Variants in HS3ST4 observed in about 807,000 individuals in gnomAD.
HS3ST4 encodes heparan sulfate glucosamine 3-O-sulfotransferase 4.
In HS3ST4, 17 loss-of-function variants were observed where a neutral mutation model predicts 29.2. The observed-to-expected ratio is 0.58, with a 90% CI of 0.40 to 0.87. The LOEUF (loss-of-function observed/expected upper bound fraction) is 0.87. Among genes scored for constraint, HS3ST4 ranks in the 40% least tolerant of loss-of-function variants. The probability of loss-of-function intolerance (pLI) is 0.00; values close to 1 mark genes in which losing one functional copy is unlikely to be tolerated. For synonymous variants in HS3ST4, 314 were observed against 285.7 expected, an observed-to-expected ratio of 1.10 and a Z score of -1.00; for missense variants, 627 against 634.5, an observed-to-expected ratio of 0.99 and a Z score of 0.13.
chr16:25,985,595 A>T (rs765515212), intron 1 of HS3ST4, among the ~76,000 whole-genome samples: 7 of 151,972 alleles, frequency 4.6e-5, no homozygotes, highest in Non-Finnish European at 7.4e-5. Context: ...CTTTGTGTCC[A>T]CTTATTTCTC....
chr16:25,824,779 T>A (rs1294924265), intron 1 of HS3ST4: 2 of 152,228 alleles, frequency 1.3e-5, no homozygotes, highest in African/African-American at 4.8e-5. Context: ...GTCTTTGGTC[T>A]GTTCTGGAAT....
Position 25,724,113 on chromosome 16 carries a change from A to C in HS3ST4, c.734+30962A>C, listed in dbSNP as rs4577094. ...TGGCGACAGAGCGAGACTCCATCTCAAAAAAAAAAAAAAAAAAAAAAAAAT... is the reference window on the plus strand; with the variant it reads ...TGGCGACAGAGCGAGACTCCATCTCCAAAAAAAAAAAAAAAAAAAAAAAAT... On this transcript the variant is annotated intron_variant, in intron 1 of 1. Transcript: ENST00000331351. Among the ~76,000 whole-genome samples the C allele has an allele frequency of 4.3e-3, 53 of 12,342 alleles. 1 individual carries two copies. Among genetic ancestry groups the C allele is most frequent in the Admixed American group, 6.6e-3 (5 of 758 alleles). The allele number at this position is 12,342 out of a possible 152,430, so 8.1% of individuals were successfully genotyped here. A position where few individuals can be genotyped will look rare whatever the true frequency, so the allele number is the denominator to read the frequency against.
chr16:26,105,369 A>T (rs1899039876), intron 1 of HS3ST4, among the ~76,000 whole-genome samples: 1 of 152,184 alleles, frequency 6.6e-6, no homozygotes, highest in African/African-American at 2.4e-5. Flanking sequence ...GGGAGTAAGG[A>T]TTGAAAAAAA....
At chr16:25,805,362 A>C (rs1567243743) in intron 1 of HS3ST4, among the ~76,000 whole-genome samples, 2 of 152,322 alleles carry the variant, frequency 1.3e-5, no homozygotes, top group Non-Finnish European at 2.9e-5. Flanking sequence ...CTGGGCAGGT[A>C]TTCTTTCGAA....
chr16:25,976,882 G>A (rs924415668), intron 1 of HS3ST4, among the ~76,000 whole-genome samples: 6 of 152,128 alleles, frequency 3.9e-5, no homozygotes, highest in Non-Finnish European at 8.8e-5. Context: ...GGGTGTAGCT[G>A]TGTTTCAAGA....
chr16:25,883,791 T>G (rs530960032), intron 1 of HS3ST4, among the ~76,000 whole-genome samples: 1 of 152,138 alleles, frequency 6.6e-6, no homozygotes, highest in African/African-American at 2.4e-5. Context: ...TCAACAAGAT[T>G]AGTCTTATTA....
At chr16:25,807,429 T>C (rs1596576908) in intron 1 of HS3ST4, among the ~76,000 whole-genome samples, 1 of 152,256 alleles carries the variant, frequency 6.6e-6, no homozygotes, top group East Asian at 1.9e-4. Context: ...CTCTGGACTC[T>C]GACTTTTTTT....
intron 1 of HS3ST4, among the ~76,000 whole-genome samples, chr16:25,807,063 C>T (rs1966997127): frequency 6.6e-6 from 1 of 152,178 alleles, no homozygotes; most frequent in Non-Finnish European, 1.5e-5. Flanking sequence ...ACCTCGACTT[C>T]CCAGGTACAA....
rs142157126 is a variant in HS3ST4, at chr16:25,860,076, A to G, written c.734+166925A>G. 3.7e-3 allele frequency among the ~76,000 whole-genome samples: 564 copies of G among 152,306 alleles called. 5 individuals carry two copies. Among genetic ancestry groups the G allele is most frequent in the African/African-American group, 0.012 (517 of 41,570 alleles). ...GAGAATCTAATTGACCTGAGGTGGAACAGTTTCATCCCGAAACCATCCTCC... is the reference window on the plus strand; with the variant it reads ...GAGAATCTAATTGACCTGAGGTGGAGCAGTTTCATCCCGAAACCATCCTCC... On this transcript the variant is annotated intron_variant, in intron 1 of 1. Transcript: ENST00000331351.
chr16:26,073,570 A>C (rs1444039105), intron 1 of HS3ST4, among the ~76,000 whole-genome samples: 1 of 152,148 alleles, frequency 6.6e-6, no homozygotes, highest in Non-Finnish European at 1.5e-5. Flanking sequence ...ACAGGGTCTC[A>C]CTATGTTGCC....
chr16:26,133,002 C>G (rs1239720105), intron 1 of HS3ST4, among the ~76,000 whole-genome samples: 1 of 152,144 alleles, frequency 6.6e-6, no homozygotes, highest in African/African-American at 2.4e-5. Flanking sequence ...TGGTAGCTCC[C>G]TTGTTGGACA....
intron 1 of HS3ST4, among the ~76,000 whole-genome samples, chr16:26,051,752 C>T (rs977593297): frequency 2.0e-5 from 3 of 150,970 alleles, no homozygotes; most frequent in Non-Finnish European, 4.4e-5. Context: ...TTCTGTTTTC[C>T]CTCCTTCCTC....
chr16:26,107,236 G>A (rs535840323), intron 1 of HS3ST4, among the ~76,000 whole-genome samples: 7 of 151,814 alleles, frequency 4.6e-5, no homozygotes, highest in South Asian at 4.2e-4. Flanking sequence ...CATAGAAATC[G>A]TTTAACACAA....
At chr16:25,872,765 T>C (rs1010985337) in intron 1 of HS3ST4, among the ~76,000 whole-genome samples, 4 of 152,178 alleles carry the variant, frequency 2.6e-5, no homozygotes, top group African/African-American at 4.8e-5. Flanking sequence ...ATCTACCACT[T>C]GATGGGAAGA....
At chr16:25,702,966 C>T (rs1966344987) in intron 1 of HS3ST4, among the ~76,000 whole-genome samples, 2 of 152,060 alleles carry the variant, frequency 1.3e-5, no homozygotes, top group Admixed American at 6.5e-5. Context: ...TGAGACCATC[C>T]TGGCTCACGT....
At chr16:26,117,799 T>G (rs1899219775) in intron 1 of HS3ST4, among the ~76,000 whole-genome samples, 1 of 152,330 alleles carries the variant, frequency 6.6e-6, no homozygotes, top group East Asian at 1.9e-4. Context: ...TATTAATCAT[T>G]TATTTGTTCA....
At position 25,930,730 on chromosome 16, in the gene HS3ST4, A is replaced by T. The variant is rs577798344; in HGVS notation, c.735-204882A>T. ...TGGTCCTCCTTAAATATTGACAAAG[A>T]TATATTAGCCACTCCAGATTTATGT... On this transcript the variant is annotated intron_variant, in intron 1 of 1. Transcript: ENST00000331351. Among the ~76,000 whole-genome samples, 7 of 152,202 alleles carry T rather than the reference A, an allele frequency of 4.6e-5. No homozygotes were observed. In the East Asian group the frequency reaches 1.4e-3, roughly 29 times the overall value.
intron 1 of HS3ST4, among the ~76,000 whole-genome samples, chr16:26,066,361 C>T (rs772824534): frequency 6.6e-5 from 10 of 152,136 alleles, no homozygotes; most frequent in Non-Finnish European, 1.5e-4. Flanking sequence ...GGTATTCTCT[C>T]GCAAGAGAGA....
At chr16:25,781,780 G>A (rs1311608774) in intron 1 of HS3ST4, among the ~76,000 whole-genome samples, 2 of 152,126 alleles carry the variant, frequency 1.3e-5, no homozygotes, top group East Asian at 3.9e-4. Flanking sequence ...TTTACTATCT[G>A]AGGAAAGATG....
Sources: gnomAD v4.1 joint callset for allele counts (sites outside exome capture counted in the v4.1 genomes callset) on GRCh38, gnomAD v4.1.1 for gene constraint, MANE v1.5 for transcripts, NCBI Gene and HGNC (gene_info 2026-07-23, HGNC 2026-07-21) for gene names.